Variants in PACRG observed in about 807,000 individuals in gnomAD.
PACRG encodes the protein parkin coregulated, also known as parkin coregulated gene protein.
PACRG carries 29 observed loss-of-function variants against 29.7 expected under a neutral mutation model. The observed-to-expected ratio is 0.98, with a 90% CI of 0.73 to 1.33. The LOEUF (loss-of-function observed/expected upper bound fraction) is 1.33. PACRG is among the 40% of genes most tolerant of loss of function. The probability of loss-of-function intolerance (pLI) is 0.00; values close to 1 mark genes in which losing one functional copy is unlikely to be tolerated. For synonymous variants in PACRG, 116 were observed against 118.7 expected, an observed-to-expected ratio of 0.98 and a Z score of 0.15; for missense variants, 279 against 316.2, an observed-to-expected ratio of 0.88 and a Z score of 0.89.
chr6:162,977,182 A>G (rs1802028381), intron 2 of PACRG, among the ~76,000 whole-genome samples: 1 of 152,052 alleles, frequency 6.6e-6, no homozygotes, highest in Admixed American at 6.6e-5. Flanking sequence ...CTCAAAGAAA[A>G]TATTTGTAAA....
chr6:163,250,883 GTATA>G lies in PACRG; in HGVS notation c.614-63923_614-63920del, dbSNP rs368878258. Reference sequence around the variant, plus strand: ...TCAATGAGTGGATAAAGAAATTGTTGTATATATATATATATATATATATACACTA... The same window carrying G: ...TCAATGAGTGGATAAAGAAATTGTTGTATATATATATATATATATACACTA... On this transcript the variant is annotated intron_variant, in intron 4 of 4. Coordinates refer to ENST00000366888, the MANE Select transcript of PACRG (RefSeq NM_001080379.2). Among the ~76,000 whole-genome samples, 104 of 138,048 alleles carry G rather than the reference GTATA, an allele frequency of 7.5e-4. 2 individuals are homozygous for G. The highest frequency in any genetic ancestry group is 2.1e-3 in the South Asian group (9 of 4,372). 90.6% of individuals were successfully genotyped at this position (138,048 alleles called of 152,430 possible).
At chr6:162,936,436 G>T (rs1798237727) in intron 2 of PACRG, among the ~76,000 whole-genome samples, 1 of 152,128 alleles carries the variant, frequency 6.6e-6, no homozygotes, top group Admixed American at 6.5e-5. Context: ...TTTTGGTAAG[G>T]CTTAGTGTGT....
intron 2 of PACRG, among the ~76,000 whole-genome samples, chr6:163,058,396 C>G (rs567246322): frequency 6.6e-5 from 10 of 152,246 alleles, no homozygotes; most frequent in African/African-American, 2.4e-4. Flanking sequence ...GGTGTTTGAT[C>G]CCTACCTGTT....
chr6:162,785,168 CAGAGAGAGAGAG>C (rs71008111), intron 1 of PACRG, among the ~76,000 whole-genome samples: 11,467 of 138,110 alleles, frequency 0.083, 607 homozygotes, highest in Middle Eastern at 0.19. Flanking sequence ...ATGAGGGAGG[CAGAGAGAGAGAG>C]AGAGAGAGAG....
chr6:163,045,768 G>A (rs184343544), intron 2 of PACRG, among the ~76,000 whole-genome samples: 21 of 151,414 alleles, frequency 1.4e-4, no homozygotes, highest in African/African-American at 3.6e-4. Flanking sequence ...GACTACAGGC[G>A]TGCGCTACCA....
chr6:162,765,404 T>G (rs1318420661), intron 1 of PACRG, among the ~76,000 whole-genome samples: 1 of 152,082 alleles, frequency 6.6e-6, no homozygotes, highest in Non-Finnish European at 1.5e-5. Flanking sequence ...CGCCCCCAAC[T>G]AAACCCTCCA....
chr6:162,900,324 C>G (rs1162582748), intron 2 of PACRG, among the ~76,000 whole-genome samples: 1 of 152,158 alleles, frequency 6.6e-6, no homozygotes, highest in Non-Finnish European at 1.5e-5. Flanking sequence ...TTGCCTCAAA[C>G]TTTCCATATC....
intron 2 of PACRG, among the ~76,000 whole-genome samples, chr6:162,900,603 G>T (rs985286081): frequency 2.0e-5 from 3 of 152,044 alleles, no homozygotes; most frequent in Admixed American, 6.5e-5. Flanking sequence ...CTCACTCCTT[G>T]GCTGGTGTGA....
intron 4 of PACRG, among the ~76,000 whole-genome samples, chr6:163,092,265 G>T (rs1346201390): frequency 6.6e-6 from 1 of 152,206 alleles, no homozygotes; most frequent in Non-Finnish European, 1.5e-5. Context: ...AATAAGCAGT[G>T]GGGGTTGCAG....
At position 163,315,047 on chromosome 6, in the gene PACRG, G is replaced by C; in HGVS notation, c.*60G>C. 6.5e-7 allele frequency: 1 copy of C among 1,544,608 alleles called. No homozygotes were observed. On this transcript the variant is annotated 3_prime_UTR_variant, in exon 5 of 5. Coordinates refer to ENST00000366888, the MANE Select transcript of PACRG (RefSeq NM_001080379.2). ...GGTGTTGGGATCATCTGTCTCTGTTGCTTTTAGCATCTCATTCCTTGTGAC... is the reference window on the plus strand; with the variant it reads ...GGTGTTGGGATCATCTGTCTCTGTTCCTTTTAGCATCTCATTCCTTGTGAC...
chr6:163,052,641 C>T (rs1045487777), intron 2 of PACRG, among the ~76,000 whole-genome samples: 22 of 152,216 alleles, frequency 1.4e-4, no homozygotes, highest in Admixed American at 5.2e-4. Context: ...CCTGAGGCCT[C>T]CCCAGCCATG....
chr6:162,851,574 A>C (rs2128425745), intron 2 of PACRG, among the ~76,000 whole-genome samples: 1 of 152,272 alleles, frequency 6.6e-6, no homozygotes, highest in East Asian at 1.9e-4. Context: ...TCTTAGTACC[A>C]TTAGGGATCT....
At chr6:162,734,598 G>A (rs188866444) in intron 1 of PACRG, among the ~76,000 whole-genome samples, 1 of 152,230 alleles carries the variant, frequency 6.6e-6, no homozygotes, top group African/African-American at 2.4e-5. Flanking sequence ...TAGGGCTAGT[G>A]ATCTTCATTC....
intron 2 of PACRG, among the ~76,000 whole-genome samples, chr6:162,944,832 A>G (rs1360819475): frequency 6.6e-6 from 1 of 152,116 alleles, no homozygotes; most frequent in Non-Finnish European, 1.5e-5. Context: ...CATATAAGAC[A>G]CCATAAAGTG....
chr6:163,134,025 A>G (rs1816836583), intron 4 of PACRG, among the ~76,000 whole-genome samples: 1 of 152,120 alleles, frequency 6.6e-6, no homozygotes, highest in Non-Finnish European at 1.5e-5. Flanking sequence ...CATAAAACCA[A>G]TTCACTTGTT....
At chr6:163,157,036 A>T in intron 4 of PACRG, among the ~76,000 whole-genome samples, 1 of 152,202 alleles carries the variant, frequency 6.6e-6, no homozygotes. Context: ...GGTTCCAGGA[A>T]TTAGGTTACG....
At chr6:162,919,237 C>A (rs114376041) in intron 2 of PACRG, among the ~76,000 whole-genome samples, 34 of 152,218 alleles carry the variant, frequency 2.2e-4, no homozygotes, top group African/African-American at 7.5e-4. Flanking sequence ...AAAACAATAT[C>A]TTTTTGATTA....
chr6:163,004,726 G>A lies in PACRG; in HGVS notation c.292-57424G>A, dbSNP rs536293093. On this transcript the variant is annotated intron_variant, in intron 2 of 4. Coordinates refer to ENST00000366888, the MANE Select transcript of PACRG (RefSeq NM_001080379.2). ...AGTGTGTGTGTGTGTGTGTGTGTGT[G>A]TATATATATATACACACACACACAC... is the stretch of plus-strand genomic sequence containing the variant. Among the ~76,000 whole-genome samples the A allele has an allele frequency of 2.7e-3, 363 of 136,028 alleles. 1 individual carries two copies. The highest frequency in any genetic ancestry group is 3.9e-3 in the South Asian group (17 of 4,380). The allele number at this position is 136,028 out of a possible 152,430, so 89.2% of individuals were successfully genotyped here. A position where few individuals can be genotyped will look rare whatever the true frequency, so the allele number is the denominator to read the frequency against.
At chr6:163,073,592 C>T (rs958899978) in intron 3 of PACRG, among the ~76,000 whole-genome samples, 1 of 152,114 alleles carries the variant, frequency 6.6e-6, no homozygotes, top group Non-Finnish European at 1.5e-5. Flanking sequence ...GGGATCGCAT[C>T]AAGTTATAAA....
Sources: gnomAD v4.1 joint callset for allele counts (sites outside exome capture counted in the v4.1 genomes callset) on GRCh38, gnomAD v4.1.1 for gene constraint, MANE v1.5 for transcripts, NCBI Gene and HGNC (gene_info 2026-07-23, HGNC 2026-07-21) for gene names.